Variants in PPP4R1 observed in about 807,000 individuals in gnomAD.
PPP4R1 encodes the protein serine/threonine-protein phosphatase 4 regulatory subunit 1.
PPP4R1 carries 42 observed loss-of-function variants against 111.2 expected under a neutral mutation model. That is an observed-to-expected ratio of 0.38 (90% CI 0.29 to 0.49). PPP4R1 has a LOEUF of 0.49. Ranked by LOEUF, PPP4R1 falls within the 20% of genes least tolerant of loss-of-function variation. The pLI is 0.97. For missense variants in PPP4R1, 1,012 were observed against 1,161.6 expected (o/e 0.87, Z 1.87); for synonymous variants, 409 against 405.5 (o/e 1.01, Z -0.10).
chr18:9,602,503 G>A lies in PPP4R1; in HGVS notation c.53-7350C>T, dbSNP rs1377480986. 4.0e-5 allele frequency among the ~76,000 whole-genome samples: 6 copies of A among 148,466 alleles called. No individual in the cohort carries two copies. The South Asian group carries it at 6.4e-4, about 16-fold the overall frequency. ...GGAGCTTGCAGTGAGCCGAGATTGC[G>A]CCACTGCACTCCAGCCTGGGCGACA... is the stretch of plus-strand genomic sequence containing the variant. On this transcript the variant is annotated intron_variant, in intron 2 of 19. Transcript: ENST00000400556.
At chr18:9,566,697 A>G (rs1181261619) in intron 11 of PPP4R1, among the ~76,000 whole-genome samples, 2 of 150,380 alleles carry the variant, frequency 1.3e-5, no homozygotes, top group African/African-American at 4.9e-5. Flanking sequence ...ACACACGTTA[A>G]AACCAATGCT....
intron 13 of PPP4R1, among the ~76,000 whole-genome samples, chr18:9,560,934 A>G (rs1328681699): frequency 6.6e-6 from 1 of 151,774 alleles, no homozygotes; most frequent in Non-Finnish European, 1.5e-5. Context: ...ATATAATCCT[A>G]AGGCTGGGCA....
Position 9,570,451 on chromosome 18 carries a change from GT to G in PPP4R1, c.1278del (p.Lys426AsnfsTer23). On this transcript the variant is annotated frameshift_variant, in exon 11 of 20. Coordinates refer to ENST00000400556, the MANE Select transcript of PPP4R1 (RefSeq NM_001042388.3). LOFTEE classifies it high-confidence loss of function. ...CGTAACATAGATTTGTAGTTACCAG[GT>G]TTTTTATCATTCTCATTACTAGCTG... ...QEAASNENDK[K>X]PGNYKSMLRP... The G allele has an allele frequency of 6.2e-7, 1 of 1,614,172 alleles. No homozygotes were observed. The highest frequency in any genetic ancestry group is 8.5e-7 in the Non-Finnish European group (1 of 1,180,010).
At chr18:9,576,750 T>C (rs546701210) in intron 10 of PPP4R1, among the ~76,000 whole-genome samples, 74 of 69,420 alleles carry the variant, frequency 1.1e-3, no homozygotes, top group Non-Finnish European at 1.6e-3. Context: ...CAATGAATGA[T>C]TGACTAAATA....
At chr18:9,550,561 G>A in intron 16 of PPP4R1, 163 bp from the exon 17 acceptor site, 1 of 739,948 alleles carries the variant, frequency 1.4e-6, no homozygotes, top group East Asian at 2.7e-5. Context: ...GTTACCTCCA[G>A]TCTCTGTGTA....
chr18:9,607,851 C>T (rs1333563248), intron 2 of PPP4R1, among the ~76,000 whole-genome samples: 2 of 147,196 alleles, frequency 1.4e-5, no homozygotes, highest in Non-Finnish European at 3.0e-5. Flanking sequence ...GATGCAATCT[C>T]GGCTCACTGC....
intron 11 of PPP4R1, among the ~76,000 whole-genome samples, chr18:9,564,737 T>TGTGTGTGGG (rs1475596391): frequency 2.9e-5 from 2 of 67,982 alleles, no homozygotes; most frequent in African/African-American, 1.5e-4. Flanking sequence ...TGTGTGTGTG[T>TGTGTGTGGG]GGGGGTATCA....
intron 10 of PPP4R1, among the ~76,000 whole-genome samples, chr18:9,573,724 A>C (rs1483962007): frequency 6.6e-6 from 1 of 152,114 alleles, no homozygotes; most frequent in Non-Finnish European, 1.5e-5. Context: ...CAGCCTCCTA[A>C]AGTGATGGAA....
intron 2 of PPP4R1, among the ~76,000 whole-genome samples, chr18:9,607,888 T>A (rs2067510850): frequency 6.6e-6 from 1 of 151,584 alleles, no homozygotes; most frequent in Non-Finnish European, 1.5e-5. Flanking sequence ...GTTCAAGTGA[T>A]TCTCCTGCCT....
intron 6 of PPP4R1, among the ~76,000 whole-genome samples, chr18:9,587,043 C>T (rs8089248): frequency 0.042 from 6,368 of 152,224 alleles, 408 homozygotes; most frequent in African/African-American, 0.13. Context: ...ATGTACTTGC[C>T]TGACCATCCT....
chr18:9,573,045 C>T (rs933504592), intron 10 of PPP4R1, among the ~76,000 whole-genome samples: 2 of 152,160 alleles, frequency 1.3e-5, no homozygotes, highest in Non-Finnish European at 2.9e-5. Flanking sequence ...CCTAGATAAC[C>T]TGTAAGATGT....
chr18:9,558,764 G>GGGCA (rs1377623169), intron 14 of PPP4R1, among the ~76,000 whole-genome samples: 4 of 151,598 alleles, frequency 2.6e-5, no homozygotes. Flanking sequence ...GTTCAAAGAG[G>GGGCA]GGCAAACTTT....
intron 19 of PPP4R1, among the ~76,000 whole-genome samples, chr18:9,548,902 G>A (rs1476986157): frequency 1.3e-5 from 2 of 152,118 alleles, no homozygotes; most frequent in Non-Finnish European, 2.9e-5. Flanking sequence ...TGGGTGACAG[G>A]GCGAGACTCC....
intron 9 of PPP4R1, among the ~76,000 whole-genome samples, chr18:9,579,985 G>T (rs879756739): frequency 6.6e-6 from 1 of 152,122 alleles, no homozygotes; most frequent in African/African-American, 2.4e-5. Flanking sequence ...ACTAATGCAT[G>T]TTACCAATCC....
chr18:9,553,094 A>G (rs979493086), intron 16 of PPP4R1, among the ~76,000 whole-genome samples: 1 of 152,242 alleles, frequency 6.6e-6, no homozygotes, highest in African/African-American at 2.4e-5. Flanking sequence ...TGTGTATTTC[A>G]CCATGATAAA....
chr18:9,548,802 C>T (rs1303260075), intron 19 of PPP4R1, among the ~76,000 whole-genome samples: 1 of 152,164 alleles, frequency 6.6e-6, no homozygotes, highest in Non-Finnish European at 1.5e-5. Context: ...CCTGTAATCC[C>T]AGCTACTGGG....
intron 19 of PPP4R1, 70 bp downstream of exon 19, chr18:9,549,127 T>G (rs891708790): frequency 6.5e-6 from 10 of 1,538,998 alleles, no homozygotes; most frequent in Non-Finnish European, 9.0e-6. Flanking sequence ...CTTTGATATC[T>G]GCTGATCCAG....
chr18:9,613,829 G>C (rs1320445163), intron 2 of PPP4R1: 1 of 155,356 alleles, frequency 6.4e-6, no homozygotes, highest in Non-Finnish European at 1.4e-5. Flanking sequence ...CCTCCCGCGC[G>C]AGCCTCTTCC....
At chr18:9,570,748 T>C (rs2066849808) in intron 10 of PPP4R1, 65 bp from the exon 11 acceptor site, 4 of 1,458,726 alleles carry the variant, frequency 2.7e-6, no homozygotes, top group African/African-American at 2.8e-5. Flanking sequence ...AAAAAACTGA[T>C]GAAAGATATT....
Sources: allele counts gnomAD v4.1 joint callset (sites outside exome capture counted in the v4.1 genomes callset), GRCh38; gene constraint gnomAD v4.1.1; transcripts MANE v1.5; gene names NCBI Gene and HGNC (gene_info 2026-07-23, HGNC 2026-07-21).